ASTN2: variants seen among roughly 807,000 people sequenced by gnomAD.
ASTN2 encodes astrotactin 2.
Under a neutral mutation model 139.8 loss-of-function variants are expected in ASTN2, and 54 were observed. That is an observed-to-expected ratio of 0.39 (90% CI 0.31 to 0.48). The LOEUF (loss-of-function observed/expected upper bound fraction) is 0.48. Among genes scored for constraint, ASTN2 ranks in the 20% least tolerant of loss-of-function variants. The pLI, the probability that ASTN2 is intolerant of heterozygous loss-of-function variation, is 0.95. For synonymous variants in ASTN2, 756 were observed against 719.5 expected (o/e 1.05, Z -0.81); for missense variants, 1,565 against 1,725.1 (o/e 0.91, Z 1.64).
chr9:117,288,180 G>A (rs1009540722), intron 2 of ASTN2, among the ~76,000 whole-genome samples: 4 of 152,174 alleles, frequency 2.6e-5, no homozygotes, highest in South Asian at 4.1e-4. Flanking sequence ...TAGGTTCAGA[G>A]TACTTCCTTG....
At chr9:116,454,887 C>G (rs896234003) in intron 20 of ASTN2, among the ~76,000 whole-genome samples, 1 of 151,956 alleles carries the variant, frequency 6.6e-6, no homozygotes, top group Non-Finnish European at 1.5e-5. Flanking sequence ...TGGGGCCTGT[C>G]GTGGTGTGGG....
chr9:117,084,076 T>C (rs188351267), intron 5 of ASTN2, among the ~76,000 whole-genome samples: 1 of 151,022 alleles, frequency 6.6e-6, no homozygotes, highest in African/African-American at 2.4e-5. Flanking sequence ...TTCTTTGAGG[T>C]TTGAAGGAAG....
chr9:117,294,927 G>C (rs1564131223), intron 1 of ASTN2, among the ~76,000 whole-genome samples: 3 of 152,150 alleles, frequency 2.0e-5, no homozygotes, highest in Non-Finnish European at 1.5e-5. Context: ...TACCTGCTTG[G>C]AAAAGCTGTG....
At chr9:116,888,728 T>C (rs1432607397) in intron 10 of ASTN2, among the ~76,000 whole-genome samples, 1 of 152,066 alleles carries the variant, frequency 6.6e-6, no homozygotes, top group Non-Finnish European at 1.5e-5. Flanking sequence ...CTGGAATACA[T>C]GTGCAGGACA....
At chr9:116,906,265 C>A (rs1834157648) in intron 10 of ASTN2, among the ~76,000 whole-genome samples, 1 of 152,142 alleles carries the variant, frequency 6.6e-6, no homozygotes, top group South Asian at 2.1e-4. Flanking sequence ...ACTTGAGGAC[C>A]AAATCCTGGG....
intron 10 of ASTN2, among the ~76,000 whole-genome samples, chr9:116,964,339 A>G (rs1192242552): frequency 1.3e-5 from 2 of 151,570 alleles, no homozygotes; most frequent in African/African-American, 4.9e-5. Flanking sequence ...ACATGGTTCT[A>G]CTCAGCTGCA....
chr9:117,111,188 T>C (rs1395107306), intron 4 of ASTN2, among the ~76,000 whole-genome samples: 3 of 152,290 alleles, frequency 2.0e-5, no homozygotes, highest in Non-Finnish European at 4.4e-5. Flanking sequence ...CCAAAATTAC[T>C]CAACATATGG....
chr9:117,046,656 C>T (rs1438397648), intron 5 of ASTN2, among the ~76,000 whole-genome samples: 2 of 152,160 alleles, frequency 1.3e-5, no homozygotes, highest in Non-Finnish European at 2.9e-5. Flanking sequence ...CTGCTGGCCC[C>T]CGTGGACAAG....
intron 6 of ASTN2, among the ~76,000 whole-genome samples, chr9:117,026,553 A>G (rs73519343): frequency 0.024 from 3,709 of 152,152 alleles, 136 homozygotes; most frequent in African/African-American, 0.083. Context: ...GTTAGTTGCT[A>G]TATTTCCTTT....
intron 5 of ASTN2, among the ~76,000 whole-genome samples, chr9:117,093,048 A>G (rs1443231135): frequency 1.3e-5 from 2 of 152,206 alleles, no homozygotes; most frequent in African/African-American, 4.8e-5. Flanking sequence ...GGTATATCCC[A>G]ATAACAGGAG....
chr9:117,050,568 T>C (rs73525361), intron 5 of ASTN2, among the ~76,000 whole-genome samples: 16,352 of 152,052 alleles, frequency 0.11, 1,099 homozygotes, highest in Admixed American at 0.22. Context: ...TTACTTGACA[T>C]TGGGGGAAAT....
At chr9:116,621,462 CACAT>C (rs1856149685) in intron 17 of ASTN2, among the ~76,000 whole-genome samples, 1 of 151,976 alleles carries the variant, frequency 6.6e-6, no homozygotes, top group African/African-American at 2.4e-5. Context: ...CACACACACA[CACAT>C]TCCATTCTAT....
intron 11 of ASTN2, among the ~76,000 whole-genome samples, chr9:116,859,462 G>GTAGAGC (rs576733093): frequency 1.2e-4 from 19 of 152,154 alleles, no homozygotes; most frequent in Non-Finnish European, 2.1e-4. Context: ...GGTCTAGAAG[G>GTAGAGC]TAGAGCTATT....
At chr9:117,375,436 C>T (rs1171918786) in intron 1 of ASTN2, among the ~76,000 whole-genome samples, 1 of 152,178 alleles carries the variant, frequency 6.6e-6, no homozygotes, top group Admixed American at 6.5e-5. Context: ...AATGTCTGTA[C>T]CACCAGTTCA....
chr9:117,202,785 C>T (rs910627379), intron 3 of ASTN2, among the ~76,000 whole-genome samples: 2 of 152,114 alleles, frequency 1.3e-5, no homozygotes, highest in Non-Finnish European at 2.9e-5. Context: ...TTCATTCCAA[C>T]TTGGAAAATC....
intron 1 of ASTN2, among the ~76,000 whole-genome samples, chr9:117,374,409 C>T (rs114338991): frequency 0.019 from 2,802 of 146,550 alleles, 108 homozygotes; most frequent in African/African-American, 0.069. Context: ...GATCGCAGCC[C>T]GCAAACATGA....
intron 3 of ASTN2, among the ~76,000 whole-genome samples, chr9:117,164,779 G>C (rs1333141937): frequency 6.6e-6 from 1 of 152,036 alleles, no homozygotes; most frequent in Non-Finnish European, 1.5e-5. Flanking sequence ...TTTGCTGGGA[G>C]CCTACCCATC....
intron 1 of ASTN2, 45 bp from the exon 2 acceptor site, chr9:117,291,558 C>T (rs1323936073): frequency 2.6e-6 from 4 of 1,528,304 alleles, no homozygotes; most frequent in Non-Finnish European, 3.5e-6. Context: ...TACGCCTGGC[C>T]TTGGTGCTCC....
chr9:116,629,092 T>C (rs1856602488), intron 17 of ASTN2, among the ~76,000 whole-genome samples: 1 of 151,240 alleles, frequency 6.6e-6, no homozygotes, highest in Non-Finnish European at 1.5e-5. Context: ...AGGCAGCAGC[T>C]TTTACTGTTT....
Sources: allele counts gnomAD v4.1 joint callset (sites outside exome capture counted in the v4.1 genomes callset), GRCh38; gene constraint gnomAD v4.1.1; transcripts MANE v1.5; gene names NCBI Gene and HGNC (gene_info 2026-07-23, HGNC 2026-07-21).